Variants in SOX6 observed in about 807,000 individuals in gnomAD.
SOX6 encodes the protein transcription factor SOX-6.
SOX6 carries 11 observed loss-of-function variants against 97.8 expected under a neutral mutation model. The ratio of observed to expected loss-of-function variants is 0.11; its 90% CI spans 0.07 to 0.19. SOX6 has a LOEUF of 0.19. SOX6 is among the 10% of genes least tolerant of loss of function. SOX6 has a pLI of 1.00. For missense variants in SOX6, 810 were observed against 1,039.5 expected, an observed-to-expected ratio of 0.78 and a Z score of 3.04; for synonymous variants, 360 against 371.4, an observed-to-expected ratio of 0.97 and a Z score of 0.35.
At chr11:16,412,894 T>C (rs1236195642) in intron 1 of SOX6, among the ~76,000 whole-genome samples, 3 of 152,130 alleles carry the variant, frequency 2.0e-5, no homozygotes, top group Non-Finnish European at 4.4e-5. Flanking sequence ...GGATAGCATG[T>C]TTATTTCTGA....
At chr11:16,033,077 A>C (rs1355806159) in intron 12 of SOX6, among the ~76,000 whole-genome samples, 2 of 151,982 alleles carry the variant, frequency 1.3e-5, no homozygotes, top group Non-Finnish European at 2.9e-5. Flanking sequence ...ACCAGACTAC[A>C]CTCTCCTGTA....
intron 7 of SOX6, among the ~76,000 whole-genome samples, chr11:16,100,224 A>AT (rs1309090969): frequency 1.3e-5 from 2 of 151,554 alleles, no homozygotes; most frequent in South Asian, 2.1e-4. Context: ...TGTTGTAGCA[A>AT]TTTTTTTCAA....
At chr11:16,354,717 T>G (rs1857031595) in intron 1 of SOX6, among the ~76,000 whole-genome samples, 1 of 152,002 alleles carries the variant, frequency 6.6e-6, no homozygotes, top group Non-Finnish European at 1.5e-5. Context: ...AATTAATTTT[T>G]AAACAGAAGC....
At chr11:16,603,885 G>A (rs1178633500) in intron 4 of SOX6, among the ~76,000 whole-genome samples, 1 of 152,214 alleles carries the variant, frequency 6.6e-6, no homozygotes, top group Non-Finnish European at 1.5e-5. Context: ...GGCCTCCCGA[G>A]GCTGCCCTGG....
At chr11:16,708,837 A>G (rs568079574) in intron 3 of SOX6, among the ~76,000 whole-genome samples, 21 of 152,310 alleles carry the variant, frequency 1.4e-4, no homozygotes, top group Non-Finnish European at 1.0e-4. Flanking sequence ...CCCCAGAATA[A>G]TAACTTTTTC....
intron 4 of SOX6, among the ~76,000 whole-genome samples, chr11:16,576,630 T>C (rs1216141174): frequency 6.6e-6 from 1 of 152,200 alleles, no homozygotes; most frequent in African/African-American, 2.4e-5. Flanking sequence ...TGAGAAAATA[T>C]ACTAAGCTGA....
In SOX6 at chr11:16,323,977, G is replaced by A. The variant is rs149651331; in HGVS notation, c.238-5324C>T. Among the ~76,000 whole-genome samples the A allele has an allele frequency of 2.8e-4, 42 of 152,100 alleles. No individual in the cohort carries two copies. In the East Asian group the frequency reaches 7.2e-3, roughly 26 times the overall value. On this transcript the variant is annotated intron_variant, in intron 2 of 15. Transcript: ENST00000683767. ...GCAGGAGGATCACTTCAGCCAAGGA[G>A]TTTGAGACCAGCCTATGCAACATAG...
chr11:16,484,094 T>C, intron 4 of SOX6: 1 of 769,980 alleles, frequency 1.3e-6, no homozygotes, highest in East Asian at 2.4e-5. Context: ...TAACTTCTCC[T>C]GAATGAGGTA....
At position 15,971,790 on chromosome 11, in the gene SOX6, G is replaced by C. The variant is rs1391777917; in HGVS notation, c.*1019C>G. On this transcript the variant is annotated 3_prime_UTR_variant, in exon 16 of 16. Transcript: ENST00000683767. ...TTCGGGGAAGGAAGGTGAAAAACAAGAATTATTAAATTAATGCCACCAACA... is the reference window on the plus strand; with the variant it reads ...TTCGGGGAAGGAAGGTGAAAAACAACAATTATTAAATTAATGCCACCAACA... 1.3e-5 allele frequency: 2 copies of C among 152,286 alleles called. No individual in the cohort carries two copies. The highest frequency in any genetic ancestry group is 2.9e-5 in the Non-Finnish European group (2 of 67,932). 9.4% of individuals were successfully genotyped at this position (152,286 alleles called of 1,614,324 possible).
At chr11:16,210,121 C>T (rs2164781) in intron 4 of SOX6, among the ~76,000 whole-genome samples, 72,537 of 151,828 alleles carry the variant, frequency 0.48, 17,503 homozygotes, top group South Asian at 0.61. Flanking sequence ...GATGACCCAG[C>T]AATTCCATCT....
intron 12 of SOX6, among the ~76,000 whole-genome samples, chr11:16,042,437 G>C (rs568825593): frequency 6.6e-6 from 1 of 152,120 alleles, no homozygotes; most frequent in African/African-American, 2.4e-5. Context: ...TTTCTGCTTC[G>C]CTGTTTTTAT....
intron 1 of SOX6, among the ~76,000 whole-genome samples, chr11:16,354,287 A>G (rs960337636): frequency 1.3e-5 from 2 of 152,018 alleles, no homozygotes; most frequent in Admixed American, 6.6e-5. Flanking sequence ...TTCTTTAAAG[A>G]AAACTTGACA....
chr11:16,679,960 T>C (rs986807913), intron 3 of SOX6, among the ~76,000 whole-genome samples: 5 of 152,138 alleles, frequency 3.3e-5, no homozygotes, highest in African/African-American at 1.2e-4. Context: ...TGGGACTATC[T>C]GAAAAGACCA....
At chr11:16,513,678 G>A (rs1414727621) in intron 4 of SOX6, among the ~76,000 whole-genome samples, 2 of 152,052 alleles carry the variant, frequency 1.3e-5, no homozygotes, top group Non-Finnish European at 2.9e-5. Context: ...GATGTAAGGG[G>A]AAGAATCATC....
chr11:16,057,591 A>C (rs1002786694), intron 9 of SOX6, among the ~76,000 whole-genome samples: 1 of 152,158 alleles, frequency 6.6e-6, no homozygotes, highest in African/African-American at 2.4e-5. Context: ...GATCTATGGC[A>C]CTTGTAATTC....
intron 6 of SOX6, among the ~76,000 whole-genome samples, chr11:16,136,662 C>T (rs950909842): frequency 6.6e-6 from 1 of 152,100 alleles, no homozygotes; most frequent in African/African-American, 2.4e-5. Context: ...TCTCAAACTC[C>T]TAGGCTCAAG....
intron 1 of SOX6, among the ~76,000 whole-genome samples, chr11:16,366,479 A>G (rs1857361061): frequency 6.6e-6 from 1 of 152,188 alleles, no homozygotes; most frequent in South Asian, 2.1e-4. Context: ...GGGTAATATT[A>G]TCCACAATCT....
intron 4 of SOX6, among the ~76,000 whole-genome samples, chr11:16,200,922 A>G (rs1354582749): frequency 6.6e-6 from 1 of 151,980 alleles, no homozygotes; most frequent in African/African-American, 2.4e-5. Context: ...CCTGGCCAAC[A>G]TGTTGAAACT....
In SOX6 at chr11:16,738,385, G is replaced by A. The variant is rs1848411212; in HGVS notation, n.219+40C>T. ...CGGTGAAAGGCAAAAACCCCTCTAA[G>A]CCTCCTCCTGTGGCGACAAAGCTCT... On this transcript the variant is annotated intron_variant and non_coding_transcript_variant, in intron 1 of 5. Coordinates refer to the SOX6 transcript ENST00000524520. 2 of 258,826 alleles carry A rather than the reference G, an allele frequency of 7.7e-6. 1 individual carries two copies. The highest frequency in any genetic ancestry group is 1.5e-5 in the Non-Finnish European group (2 of 129,806). The allele number at this position is 258,826 out of a possible 1,614,324, so 16.0% of individuals were successfully genotyped here.
Sources: gnomAD v4.1 joint callset for allele counts (sites outside exome capture counted in the v4.1 genomes callset) on GRCh38, gnomAD v4.1.1 for gene constraint, MANE v1.5 for transcripts, NCBI Gene and HGNC (gene_info 2026-07-23, HGNC 2026-07-21) for gene names.